UQCRC2: variants seen among roughly 807,000 people sequenced by gnomAD.
UQCRC2 encodes the protein cytochrome b-c1 complex subunit 2, mitochondrial.
In UQCRC2, 49 loss-of-function variants were observed where a neutral mutation model predicts 55.6. The observed-to-expected ratio is 0.88, with a 90% confidence interval of 0.70 to 1.12. The LOEUF is 1.12. UQCRC2 is among the 50% of genes most tolerant of loss of function. UQCRC2 has a pLI of 0.00. For synonymous variants in UQCRC2, 193 were observed against 192.0 expected (o/e 1.01, Z -0.04); for missense variants, 506 against 547.8 (o/e 0.92, Z 0.76).
intron 10 of UQCRC2, among the ~76,000 whole-genome samples, chr16:21,972,350 A>G (rs1200145445): frequency 2.0e-5 from 3 of 152,182 alleles, no homozygotes; most frequent in African/African-American, 2.4e-5. Context: ...GAGGAATTGA[A>G]TGCTTAGAAA....
chr16:21,974,067 G>A, intron 11 of UQCRC2, 91 bp downstream of exon 11: 1 of 1,161,024 alleles, frequency 8.6e-7, no homozygotes, highest in Non-Finnish European at 1.2e-6. Flanking sequence ...TGGAATGTTT[G>A]AATGCAGTGC....
intron 4 of UQCRC2, chr16:21,959,551 T>TTATGG (rs1361656025): frequency 6.5e-6 from 1 of 154,074 alleles, no homozygotes; most frequent in African/African-American, 2.4e-5. Context: ...GAGTCATCCA[T>TTATGG]AAGGGTTGGA....
chr16:21,967,700 G>A (rs1898359732), intron 7 of UQCRC2, among the ~76,000 whole-genome samples: 1 of 152,108 alleles, frequency 6.6e-6, no homozygotes, highest in Non-Finnish European at 1.5e-5. Context: ...TCCCAAGAAT[G>A]GGGGACAGTG....
chr16:21,975,805 G>A (rs956698144), intron 11 of UQCRC2, among the ~76,000 whole-genome samples: 1 of 152,116 alleles, frequency 6.6e-6, no homozygotes, highest in Non-Finnish European at 1.5e-5. Flanking sequence ...AAATCCATGT[G>A]TTTGGCCGGG....
At chr16:21,965,642 T>C (rs1365481632) in intron 7 of UQCRC2, 137 bp downstream of exon 7, 7 of 664,986 alleles carry the variant, frequency 1.1e-5, no homozygotes, top group East Asian at 1.0e-4. Context: ...TTCATCCACC[T>C]GCTTTTTAAC....
At chr16:21,980,095 C>T (rs1898680387) in intron 12 of UQCRC2, among the ~76,000 whole-genome samples, 2 of 150,246 alleles carry the variant, frequency 1.3e-5, no homozygotes, top group South Asian at 4.2e-4. Flanking sequence ...TTTTGACTGC[C>T]ATCTCAGTGG....
intron 1 of UQCRC2, among the ~76,000 whole-genome samples, chr16:21,956,866 C>T (rs1898094048): frequency 6.6e-6 from 1 of 152,026 alleles, no homozygotes; most frequent in Admixed American, 6.6e-5. Context: ...AGTTCAAGAC[C>T]AGCTTGGCCA....
chr16:21,962,621 A>G, intron 5 of UQCRC2, 105 bp downstream of exon 5: 2 of 1,591,356 alleles, frequency 1.3e-6, no homozygotes, highest in Non-Finnish European at 1.7e-6. Flanking sequence ...TCCATTTTGG[A>G]TTATTGTTCA....
chr16:21,966,306 A>G (rs1278356618), intron 7 of UQCRC2, among the ~76,000 whole-genome samples: 1 of 152,162 alleles, frequency 6.6e-6, no homozygotes, highest in Non-Finnish European at 1.5e-5. Flanking sequence ...GTTCTTCAGC[A>G]CACCAGCCTC....
chr16:21,967,998 TCC>T (rs1381220886), intron 7 of UQCRC2, among the ~76,000 whole-genome samples: 1 of 150,654 alleles, frequency 6.6e-6, no homozygotes, highest in East Asian at 2.0e-4. Flanking sequence ...TTCTTTTTAT[TCC>T]TTTTTTTTTT....
intron 11 of UQCRC2, among the ~76,000 whole-genome samples, chr16:21,975,113 T>G (rs1320492417): frequency 6.6e-6 from 1 of 152,062 alleles, no homozygotes; most frequent in Non-Finnish European, 1.5e-5. Flanking sequence ...ATGGAGGAGG[T>G]AGGTATTAGG....
rs900832622 is a variant in UQCRC2, at chr16:21,979,775, C to G, written c.1125-772C>G. On this transcript the variant is annotated intron_variant, in intron 12 of 13. Transcript: ENST00000268379. ...CTAAATTTATTTTTTTAAAATTGCA[C>G]TACAACATTATGTTGTCAGTAAGTA... Among the ~76,000 whole-genome samples the G allele has an allele frequency of 2.0e-5, 3 of 152,138 alleles. No homozygotes were observed. The East Asian group carries it at 5.8e-4, about 29-fold the overall frequency.
In UQCRC2 at chr16:21,957,324, T is replaced by C. The variant is rs1355360329; in HGVS notation, c.117+6T>C. The stretch of plus-strand genomic sequence containing the variant: ...CACAACCTCAGGACCTTGAGGTTAG[T>C]CCCACTAACTTGCTCGCTGGAAGCT... On this transcript the variant is annotated splice_donor_region_variant and intron_variant, in intron 2 of 13. Transcript: ENST00000268379. 1 of 1,614,056 alleles carries C rather than the reference T, an allele frequency of 6.2e-7. No individual in the cohort carries two copies. Among genetic ancestry groups the C allele is most frequent in the South Asian group, 1.1e-5 (1 of 91,082 alleles).
At position 21,957,535 on chromosome 16, in the gene UQCRC2, C is replaced by G; in HGVS notation, c.236C>G (p.Thr79Ser). Residue 79 changes from threonine (T) to serine (S), a missense_variant, in exon 3 of 14, where the codon ACC becomes AGC. Thr to Ser is a moderately conservative substitution (Grantham distance 58). Coordinates refer to ENST00000268379, the MANE Select transcript of UQCRC2 (RefSeq NM_003366.4). ...SRYEDFSNLG[T>S]THLLRLTSSL... is the part of the protein sequence containing the mutation. Reference sequence around the variant, plus strand: ...TATGAGGACTTCAGCAATTTAGGAACCACCCATTTGCTGCGTCTTACATCC... The same window carrying G: ...TATGAGGACTTCAGCAATTTAGGAAGCACCCATTTGCTGCGTCTTACATCC... 1 of 1,614,116 alleles carries G rather than the reference C, an allele frequency of 6.2e-7. No individual in the cohort carries two copies. The highest frequency in any genetic ancestry group is 8.5e-7 in the Non-Finnish European group (1 of 1,180,018).
chr16:21,968,772 A>G, intron 8 of UQCRC2, 87 bp downstream of exon 8: 1 of 1,247,808 alleles, frequency 8.0e-7, no homozygotes, highest in Non-Finnish European at 1.1e-6. Flanking sequence ...GGATTGAACA[A>G]AATTTGAAAA....
At chr16:21,963,995 T>C (rs1250473386) in intron 6 of UQCRC2, among the ~76,000 whole-genome samples, 3 of 152,190 alleles carry the variant, frequency 2.0e-5, no homozygotes, top group African/African-American at 7.2e-5. Context: ...CAACTGGTAA[T>C]ACAAGTCTGT....
At chr16:21,966,423 T>C (rs930376178) in intron 7 of UQCRC2, among the ~76,000 whole-genome samples, 5 of 152,122 alleles carry the variant, frequency 3.3e-5, no homozygotes, top group African/African-American at 9.7e-5. Flanking sequence ...AGTGTAGATA[T>C]GTGCGTATAA....
At chr16:21,979,842 C>T (rs552352132) in intron 12 of UQCRC2, among the ~76,000 whole-genome samples, 111 of 152,266 alleles carry the variant, frequency 7.3e-4, no homozygotes, top group Non-Finnish European at 1.1e-3. Context: ...ACGGGACCAC[C>T]ATCATATATG....
intron 7 of UQCRC2, among the ~76,000 whole-genome samples, chr16:21,966,922 A>G (rs1341901917): frequency 1.3e-5 from 2 of 152,252 alleles, no homozygotes; most frequent in Non-Finnish European, 2.9e-5. Flanking sequence ...AACAGTATTC[A>G]ACCATTCAAA....
Sources: allele counts gnomAD v4.1 joint callset (sites outside exome capture counted in the v4.1 genomes callset), GRCh38; gene constraint gnomAD v4.1.1; transcripts MANE v1.5; gene names NCBI Gene and HGNC (gene_info 2026-07-23, HGNC 2026-07-21).